The following RPSA2 variants were observed in gnomAD, a reference collection of about 807,000 sequenced individuals.
The protein encoded by RPSA2 is ribosomal protein SA 2.
chr19:23,809,636 C>G, the RPSA2 span: 1 of 151,414 alleles, frequency 6.6e-6, no homozygotes, highest in Non-Finnish European at 1.5e-5. Context: ...TTTTTTTTCT[C>G]TCTTTTATCA....
chr19:23,776,214 G>T, the RPSA2 span, among the ~76,000 whole-genome samples: 1 of 152,178 alleles, frequency 6.6e-6, no homozygotes, highest in Non-Finnish European at 1.5e-5. Context: ...AGATGCTTCT[G>T]TGTAGAACCT....
chr19:23,864,267 A>C, the RPSA2 span, among the ~76,000 whole-genome samples: 1 of 152,210 alleles, frequency 6.6e-6, no homozygotes, highest in African/African-American at 2.4e-5. Context: ...CTCTGAAGTA[A>C]ACTCAAATTA....
At chr19:23,760,784 C>T in the RPSA2 span, among the ~76,000 whole-genome samples, 3 of 150,898 alleles carry the variant, frequency 2.0e-5, no homozygotes, top group African/African-American at 7.3e-5. Flanking sequence ...CCTGCCTCAG[C>T]CTCCTGAATA....
the RPSA2 span, among the ~76,000 whole-genome samples, chr19:23,847,208 CT>C: frequency 9.7e-4 from 140 of 144,108 alleles, 1 homozygote; most frequent in East Asian, 6.7e-3. Context: ...ATTTTTGTTT[CT>C]TTTTTTTTTT....
the RPSA2 span, among the ~76,000 whole-genome samples, chr19:23,842,903 T>A: frequency 6.6e-6 from 1 of 152,196 alleles, no homozygotes; most frequent in African/African-American, 2.4e-5. Flanking sequence ...AGATTAATGA[T>A]AATTCTAGAA....
chr19:23,784,228 C>T, the RPSA2 span, among the ~76,000 whole-genome samples: 1 of 152,360 alleles, frequency 6.6e-6, no homozygotes, highest in South Asian at 2.1e-4. Flanking sequence ...TCTCTCACAT[C>T]TGTAAAGCCC....
the RPSA2 span, chr19:23,827,387 G>A: frequency 1.4e-4 from 201 of 1,488,212 alleles, no homozygotes; most frequent in Non-Finnish European, 1.8e-4. Flanking sequence ...TGATGTCAGT[G>A]TTATATCCTC....
chr19:23,813,465 T>C, the RPSA2 span, among the ~76,000 whole-genome samples: 1 of 152,020 alleles, frequency 6.6e-6, no homozygotes, highest in Non-Finnish European at 1.5e-5. Flanking sequence ...TATCTATGAT[T>C]TTACTACTGG....
the RPSA2 span, chr19:23,832,432 C>G: frequency 1.2e-5 from 6 of 495,844 alleles, no homozygotes; most frequent in Non-Finnish European, 2.0e-5. Flanking sequence ...ATTCTCAACC[C>G]TAACTAGACA....
the RPSA2 span, among the ~76,000 whole-genome samples, chr19:23,816,810 C>T: frequency 6.6e-6 from 1 of 152,162 alleles, no homozygotes; most frequent in Non-Finnish European, 1.5e-5. Context: ...TGCAGAAAAA[C>T]TCTGCCTTAT....
At chr19:23,824,506 A>G in the RPSA2 span, among the ~76,000 whole-genome samples, 2 of 145,588 alleles carry the variant, frequency 1.4e-5, no homozygotes, top group Non-Finnish European at 3.0e-5. Context: ...TTTTCTCTAC[A>G]TCCTCTACTT....
chr19:23,767,268 G>C, the RPSA2 span, among the ~76,000 whole-genome samples: 7 of 152,038 alleles, frequency 4.6e-5, no homozygotes, highest in African/African-American at 1.7e-4. Flanking sequence ...TAGTACATAC[G>C]GGGTTTCATT....
At chr19:23,816,928 G>A in the RPSA2 span, among the ~76,000 whole-genome samples, 1 of 151,966 alleles carries the variant, frequency 6.6e-6, no homozygotes, top group Non-Finnish European at 1.5e-5. Context: ...ACAACATGTG[G>A]GAATTAAAGA....
At chr19:23,796,948 A>G in the RPSA2 span, among the ~76,000 whole-genome samples, 1 of 150,452 alleles carries the variant, frequency 6.6e-6, no homozygotes, top group Middle Eastern at 3.4e-3. Flanking sequence ...TTAGGGATTG[A>G]TTTGCTCTTG....
chr19:23,824,536 A>G, the RPSA2 span, among the ~76,000 whole-genome samples: 1 of 106,088 alleles, frequency 9.4e-6, no homozygotes, highest in African/African-American at 3.5e-5. Context: ...GATGGTGTTC[A>G]TTATTATTTT....
chr19:23,783,545 A>AG, the RPSA2 span, among the ~76,000 whole-genome samples: 3 of 151,600 alleles, frequency 2.0e-5, no homozygotes, highest in African/African-American at 7.3e-5. Flanking sequence ...CTGCCAAAAA[A>AG]AAAAAAAAAA....
chr19:23,807,067 C>G, the RPSA2 span, among the ~76,000 whole-genome samples: 7,763 of 152,218 alleles, frequency 0.051, 222 homozygotes, highest in Non-Finnish European at 0.065. Flanking sequence ...GCTTAATAAA[C>G]TCTCTTACAG....
the RPSA2 span, among the ~76,000 whole-genome samples, chr19:23,870,582 G>T: frequency 1.3e-5 from 2 of 152,094 alleles, no homozygotes; most frequent in Admixed American, 1.3e-4. Context: ...TTCTTTAGAA[G>T]CCTGGACTGA....
chr19:23,854,917 A>G, the RPSA2 span, among the ~76,000 whole-genome samples: 11 of 152,210 alleles, frequency 7.2e-5, no homozygotes, highest in Non-Finnish European at 1.6e-4. Context: ...TGGCCATTTT[A>G]CACTCATGGT....
Sources: gnomAD v4.1 joint callset for allele counts (sites outside exome capture counted in the v4.1 genomes callset) on GRCh38, gnomAD v4.1.1 for gene constraint, MANE v1.5 for transcripts, NCBI Gene and HGNC (gene_info 2026-07-23, HGNC 2026-07-21) for gene names.